CKB: variants seen among roughly 807,000 people sequenced by gnomAD.
The protein encoded by CKB is creatine kinase B.
CKB carries 15 observed loss-of-function variants against 36.9 expected under a neutral mutation model. The ratio of observed to expected loss-of-function variants is 0.41; its 90% CI spans 0.27 to 0.63. The LOEUF is 0.63. Ranked by LOEUF, CKB falls within the 20% of genes least tolerant of loss-of-function variation. CKB has a pLI of 0.34. For missense variants in CKB, 413 were observed against 534.9 expected, an observed-to-expected ratio of 0.77 and a Z score of 2.25; for synonymous variants, 250 against 228.2, an observed-to-expected ratio of 1.10 and a Z score of -0.86.
chr14:103,522,266 G>C lies in CKB; in HGVS notation c.193+35C>G, dbSNP rs903868730. ...GACCCTGCGGCTGCGCGGGGGGAGG[G>C]GGGGCCGGGACCCCGGCCCCGAGGG... is the stretch of plus-strand genomic sequence containing the variant. On this transcript the variant is annotated intron_variant, in intron 2 of 7. Transcript: ENST00000348956. The surrounding 1 kb of genome is among the most constrained non-coding windows in gnomAD (Gnocchi z 6.7). The C allele has an allele frequency of 4.4e-6, 7 of 1,577,940 alleles. No individual in the cohort carries two copies. In the African/African-American group the frequency reaches 5.4e-5, roughly 12 times the overall value.
At position 103,521,836 on chromosome 14, in the gene CKB, C is replaced by G. The variant is rs776758171; in HGVS notation, c.463G>C (p.Glu155Gln). ...HCSRGERRAI[E>Q]KLAVEALSSL... ...CCCCTACCTTCCACCGCGAGCTTCT[C>G]GATGGCGCGGCGCTCCCCGCGGCTG... Residue 155 changes from glutamate (E) to glutamine (Q), a missense_variant, in exon 4 of 8, where the codon GAG becomes CAG. By Grantham distance (29) the Glu-to-Gln change is conservative. Transcript: ENST00000348956. The G allele has an allele frequency of 6.6e-7, 1 of 1,507,294 alleles. No individual in the cohort carries two copies. Among genetic ancestry groups the G allele is most frequent in the South Asian group, 1.2e-5 (1 of 80,612 alleles). 93.4% of individuals were successfully genotyped at this position (1,507,294 alleles called of 1,614,324 possible).
At position 103,522,532 on chromosome 14, in the gene CKB, G is replaced by T. The variant is rs750819229; in HGVS notation, c.-12-27C>A. On this transcript the variant is annotated intron_variant, in intron 1 of 7. Coordinates refer to ENST00000348956, the MANE Select transcript of CKB (RefSeq NM_001823.5). The surrounding 1 kb of genome is among the most constrained non-coding windows in gnomAD (Gnocchi z 6.7). ...TGCGGGGAGACGCGGGGTCAGAGGG[G>T]ACCGGCACGCCGGGGTTCCCGGGCT... 7 of 1,288,036 alleles carry T rather than the reference G, an allele frequency of 5.4e-6. No homozygotes were observed. Among genetic ancestry groups the T allele is most frequent in the Non-Finnish European group, 7.1e-6 (7 of 990,090 alleles). 79.8% of individuals were successfully genotyped at this position (1,288,036 alleles called of 1,614,324 possible). A position where few individuals can be genotyped will look rare whatever the true frequency, so the allele number is the denominator to read the frequency against.
Position 103,520,163 on chromosome 14 carries a change from G to A in CKB, c.926C>T (p.Ser309Leu), listed in dbSNP as rs35156510. Residue 309 changes from serine to leucine, a missense_variant, in exon 7 of 8, where the codon TCG (serine) becomes TTG (leucine). Physicochemically the swap from Ser to Leu is moderately radical, Grantham distance 145 (BLOSUM62 -2). Transcript: ENST00000348956. ...AAGTCGCAGCCGCTTAAGCACCTCC[G>A]AGAACTTCTCATGCTTGCCCAGGTT... ...LPNLGKHEKF[S>L]EVLKRLRLQK... 162 of 1,610,366 alleles carry A rather than the reference G, an allele frequency of 1.0e-4. No individual in the cohort carries two copies. In the African/African-American group the frequency reaches 1.6e-3, roughly 16 times the overall value.
Position 103,520,090 on chromosome 14 carries a change from C to G in CKB, c.967+32G>C, listed in dbSNP as rs764972307. On this transcript the variant is annotated intron_variant, in intron 7 of 7. Transcript: ENST00000348956. ...CGGAGGAAACAGGGCTGCCCAAAGG[C>G]CACGGGAAGCCGCAGCACCTGCCCT... The G allele has an allele frequency of 5.6e-6, 9 of 1,602,780 alleles. No individual in the cohort carries two copies. In the Admixed American group the frequency reaches 6.7e-5, roughly 12 times the overall value.
At position 103,522,430 on chromosome 14, in the gene CKB, C is replaced by A. The variant is rs11545347; in HGVS notation, c.64G>T (p.Asp22Tyr). 2.5e-6 allele frequency: 4 copies of A among 1,610,156 alleles called. No individual in the cohort carries two copies. The South Asian group carries it at 3.3e-5, about 13-fold the overall frequency. ...LRFPAEDEFP[D>Y]LSAHNNHMAK... ...ATGTGGTTGTTGTGGGCGCTCAGGT[C>A]GGGGAACTCGTCCTCGGCCGGGAAG... is the stretch of plus-strand genomic sequence containing the variant. Residue 22 changes from aspartate (D) to tyrosine (Y), a missense_variant, in exon 2 of 8, where the codon GAC becomes TAC. Transcript: ENST00000348956. This position sits in a 1 kb window ranked among gnomAD's most constrained non-coding sequence, Gnocchi z 6.7.
At position 103,521,245 on chromosome 14, in the gene CKB, G is replaced by C. The variant is rs537451279; in HGVS notation, c.653+18C>G. 145 of 1,575,242 alleles carry C rather than the reference G, an allele frequency of 9.2e-5. 1 individual carries two copies. In the South Asian group the frequency reaches 1.5e-3, roughly 17 times the overall value. On this transcript the variant is annotated intron_variant, in intron 5 of 7. Transcript: ENST00000348956. ...CGGGGAGGGAGGACGCCGCGAGAGG[G>C]CGCAGAGGGACACGCACCAGATACC...
chr14:103,519,749 T>C lies in CKB; in HGVS notation c.*115A>G, dbSNP rs1064582. 8.4e-7 allele frequency: 1 copy of C among 1,186,674 alleles called. No homozygotes were observed. Among genetic ancestry groups the C allele is most frequent in the Non-Finnish European group, 1.2e-6 (1 of 853,886 alleles). 73.5% of individuals were successfully genotyped at this position (1,186,674 alleles called of 1,614,324 possible). On this transcript the variant is annotated 3_prime_UTR_variant, in exon 8 of 8. Transcript: ENST00000348956. ...TAAACTCTACCAAGGGTGACGGAAG[T>C]CTCTACAGCAAGGCTAAGGGCTCGC...
Position 103,522,469 on chromosome 14 carries a change from C to G in CKB, c.25G>C (p.Ala9Pro). The G allele has an allele frequency of 6.2e-7, 1 of 1,601,174 alleles. No homozygotes were observed. The highest frequency in any genetic ancestry group is 8.5e-7 in the Non-Finnish European group (1 of 1,174,240). Residue 9 changes from alanine (A) to proline (P), a missense_variant, in exon 2 of 8, where the codon GCA becomes CCA. Physicochemically the swap from Ala to Pro is conservative, Grantham distance 27 (BLOSUM62 -1). Transcript: ENST00000348956. This position sits in a 1 kb window ranked among gnomAD's most constrained non-coding sequence, Gnocchi z 6.7. MPFSNSHN[A>P]LKLRFPAEDE... is the part of the protein sequence containing the mutation. ...TCGGCCGGGAAGCGCAGCTTCAGTG[C>G]GTTGTGGCTGTTGGAGAAGGGCATG...
chr14:103,522,091 C>G lies in CKB; in HGVS notation c.280G>C (p.Glu94Gln). The G allele has an allele frequency of 6.4e-7, 1 of 1,574,528 alleles. No homozygotes were observed. The highest frequency in any genetic ancestry group is 8.6e-7 in the Non-Finnish European group (1 of 1,160,608). ...GGCTTGTAGCCGCCGTGCCGGTCCTCGATGATGGGGTCGAAGAGATCCTTG... is the reference window on the plus strand; with the variant it reads ...GGCTTGTAGCCGCCGTGCCGGTCCTGGATGATGGGGTCGAAGAGATCCTTG... The part of the protein sequence containing the change: ...VFKDLFDPII[E>Q]DRHGGYKPSD... The change falls in exon 3 of 8, where the codon GAG becomes CAG. Residue 94 changes from glutamate (E) to glutamine (Q), a missense_variant. Transcript: ENST00000348956. This position sits in a 1 kb window ranked among gnomAD's most constrained non-coding sequence, Gnocchi z 6.7.
In CKB at chr14:103,519,917, G is replaced by A; in HGVS notation, c.1093C>T (p.Gln365Ter). ...DGVKLLIEMEQRLEQGQAIDD... is the reference protein window; with the variant it reads ...DGVKLLIEME ...ATGGCCTGGCCCTGCTCCAGCCGCT[G>A]CTCCATCTCGATGAGCAGCTTCACT... The change falls in exon 8 of 8, where the codon CAG (glutamine) becomes TAG (stop). Residue 365 changes from glutamine to a stop codon, truncating the protein, a stop_gained. Coordinates refer to ENST00000348956, the MANE Select transcript of CKB (RefSeq NM_001823.5). LOFTEE classifies it high-confidence loss of function. 6.2e-7 allele frequency: 1 copy of A among 1,609,398 alleles called. No homozygotes were observed.
intron 4 of CKB, 38 bp downstream of exon 4, chr14:103,521,780 C>G (rs1233910259): frequency 1.5e-6 from 2 of 1,352,432 alleles, no homozygotes. Flanking sequence ...GGGAGGGGGA[C>G]GCGGCCGCCG....
Position 103,520,528 on chromosome 14 carries a change from T to A in CKB, c.718A>T (p.Met240Leu). 1.2e-6 allele frequency: 2 copies of A among 1,612,334 alleles called. No homozygotes were observed. The highest frequency in any genetic ancestry group is 1.7e-6 in the Non-Finnish European group (2 of 1,179,364). Residue 240 changes from methionine (M) to leucine (L), a missense_variant, in exon 6 of 8, where the codon ATG (methionine) becomes TTG (leucine). This residue lies in a region of CKB where 314 missense variants were observed against 409.4 expected (regional missense o/e 0.77). Transcript: ENST00000348956. ...TCCTTCATGTTGCCCCCCTTCTGCA[T>A]GGAGATGACCCGCAGGTGGTCCTCC... ...NEEDHLRVIS[M>L]QKGGNMKEVF...
chr14:103,520,835 AGCCCGACCC>A, intron 5 of CKB: 1 of 538,944 alleles, frequency 1.9e-6, no homozygotes. Flanking sequence ...CCGCCAGGAC[AGCCCGACCC>A]GCCCCCCACA....
In CKB at chr14:103,522,490, G is replaced by A. The variant is rs1214347980; in HGVS notation, c.4C>T (p.Pro2Ser). Residue 2 changes from proline (P) to serine (S), a missense_variant, in exon 2 of 8, where the codon CCC (proline) becomes TCC (serine). Transcript: ENST00000348956. This position sits in a 1 kb window ranked among gnomAD's most constrained non-coding sequence, Gnocchi z 6.7. M[P>S]FSNSHNALKL... ...AGTGCGTTGTGGCTGTTGGAGAAGG[G>A]CATGGCGGCGGCGGGCTGCGGGGAG... The A allele has an allele frequency of 1.3e-6, 2 of 1,595,202 alleles. No homozygotes were observed. Among genetic ancestry groups the A allele is most frequent in the Non-Finnish European group, 1.7e-6 (2 of 1,173,822 alleles).
At position 103,522,202 on chromosome 14, in the gene CKB, G is replaced by A; in HGVS notation, c.194-25C>T. The A allele has an allele frequency of 1.3e-6, 2 of 1,593,664 alleles. No individual in the cohort carries two copies. Among genetic ancestry groups the A allele is most frequent in the South Asian group, 1.1e-5 (1 of 89,150 alleles). On this transcript the variant is annotated intron_variant, in intron 2 of 7. Coordinates refer to ENST00000348956, the MANE Select transcript of CKB (RefSeq NM_001823.5). This position sits in a 1 kb window ranked among gnomAD's most constrained non-coding sequence, Gnocchi z 6.7. Reference sequence around the variant, plus strand: ...CCTGGGGGAGGGGGCGCGGGACGGGGACAGTGACGTCACTGCCGGGCCCGA... The same window carrying A: ...CCTGGGGGAGGGGGCGCGGGACGGGAACAGTGACGTCACTGCCGGGCCCGA...
In CKB at chr14:103,521,408, C is replaced by T; in HGVS notation, c.508G>A (p.Ala170Thr). The change falls in exon 5 of 8, where the codon GCG (alanine) becomes ACG (threonine). Residue 170 changes from alanine to threonine, a missense_variant. Coordinates refer to ENST00000348956, the MANE Select transcript of CKB (RefSeq NM_001823.5). ...EALSSLDGDL[A>T]GRYYALKSMT... is the part of the protein sequence containing the mutation. ...CTCTTGAGCGCGTAGTATCGGCCCG[C>T]CAGGTCGCCGTCCAGGCTGGACAGG... 10 of 1,603,986 alleles carry T rather than the reference C, an allele frequency of 6.2e-6. No homozygotes were observed. The highest frequency in any genetic ancestry group is 8.5e-6 in the Non-Finnish European group (10 of 1,178,752).
chr14:103,521,137 C>T (rs889478478), intron 5 of CKB, 126 bp downstream of exon 5: 3 of 1,193,226 alleles, frequency 2.5e-6, no homozygotes, highest in African/African-American at 3.0e-5. Flanking sequence ...GGAGCGCGGC[C>T]GGCCCCTCCC....
At chr14:103,521,079 G>A in intron 5 of CKB, 184 bp downstream of exon 5, 1 of 791,870 alleles carries the variant, frequency 1.3e-6, no homozygotes, top group Non-Finnish European at 2.1e-6. Flanking sequence ...GCACCTGCTC[G>A]GCCAAGGTCA....
chr14:103,522,447 G>C lies in CKB; in HGVS notation c.47C>G (p.Ala16Gly), dbSNP rs1376209091. ...SHNALKLRFP[A>G]EDEFPDLSAH... ...GCTCAGGTCGGGGAACTCGTCCTCG[G>C]CCGGGAAGCGCAGCTTCAGTGCGTT... Residue 16 changes from alanine (A) to glycine (G), a missense_variant, in exon 2 of 8, where the codon GCC becomes GGC. Coordinates refer to ENST00000348956, the MANE Select transcript of CKB (RefSeq NM_001823.5). This position sits in a 1 kb window ranked among gnomAD's most constrained non-coding sequence, Gnocchi z 6.7. 2 of 1,609,554 alleles carry C rather than the reference G, an allele frequency of 1.2e-6. No individual in the cohort carries two copies. Among genetic ancestry groups the C allele is most frequent in the South Asian group, 2.2e-5 (2 of 90,888 alleles).
Sources: allele counts gnomAD v4.1 joint callset, GRCh38; gene constraint gnomAD v4.1.1; regional missense constraint gnomAD v4.1.1; non-coding constraint Gnocchi (gnomAD v3.1); transcripts MANE v1.5; gene names NCBI Gene and HGNC (gene_info 2026-07-23, HGNC 2026-07-21).